Variants in RBMS3 observed in about 807,000 individuals in gnomAD.
RBMS3 encodes the protein RNA binding motif single stranded interacting protein 3.
RBMS3 carries 27 observed loss-of-function variants against 66.8 expected under a neutral mutation model. The ratio of observed to expected loss-of-function variants is 0.40; its 90% CI spans 0.30 to 0.56. The LOEUF is 0.56. Ranked by LOEUF, RBMS3 falls within the 20% of genes least tolerant of loss-of-function variation. The pLI is 0.40. For missense variants in RBMS3, 513 were observed against 549.5 expected (o/e 0.93, Z 0.66); for synonymous variants, 188 against 183.0 (o/e 1.03, Z -0.22).
At chr3:29,317,445 T>C (rs924800420) in intron 1 of RBMS3, among the ~76,000 whole-genome samples, 1 of 151,774 alleles carries the variant, frequency 6.6e-6, no homozygotes, top group African/African-American at 2.4e-5. Context: ...AAATCTCACC[T>C]ATTCTATCAT....
At chr3:29,502,987 G>T (rs548693483) in intron 3 of RBMS3, among the ~76,000 whole-genome samples, 1 of 152,190 alleles carries the variant, frequency 6.6e-6, no homozygotes, top group Admixed American at 6.6e-5. Context: ...ATAAGGTTAA[G>T]ACCTCTGAGG....
At chr3:29,944,303 AG>A (rs1270065780) in intron 12 of RBMS3, 49 bp downstream of exon 12, 1 of 1,489,516 alleles carries the variant, frequency 6.7e-7, no homozygotes, top group African/African-American at 1.4e-5. Flanking sequence ...GGAGAGATGG[AG>A]GTTGCCTGGT....
At chr3:29,498,586 C>T (rs2043851097) in intron 3 of RBMS3, among the ~76,000 whole-genome samples, 1 of 151,942 alleles carries the variant, frequency 6.6e-6, no homozygotes, top group Non-Finnish European at 1.5e-5. Flanking sequence ...AAGTCTATAC[C>T]AAGAAATTCT....
At chr3:29,449,135 A>T (rs569988213) in intron 2 of RBMS3, among the ~76,000 whole-genome samples, 1 of 152,346 alleles carries the variant, frequency 6.6e-6, no homozygotes, top group East Asian at 1.9e-4. Flanking sequence ...GTCAGTGGCT[A>T]CAAAGGATTG....
chr3:29,756,936 T>C lies in RBMS3; in HGVS notation c.558-5974T>C, dbSNP rs374535475. Among the ~76,000 whole-genome samples the C allele has an allele frequency of 1.1e-4, 17 of 152,288 alleles. No homozygotes were observed. The East Asian group carries it at 2.7e-3, about 24-fold the overall frequency. ...CAGTGTCTTCACCAAACTGAAAATTTCCTGAACCTTGTTGTTTAGGGATTT... is the reference window on the plus strand; with the variant it reads ...CAGTGTCTTCACCAAACTGAAAATTCCCTGAACCTTGTTGTTTAGGGATTT... On this transcript the variant is annotated intron_variant, in intron 5 of 14. Coordinates refer to ENST00000383767, the MANE Select transcript of RBMS3 (RefSeq NM_001003793.3).
intron 6 of RBMS3, among the ~76,000 whole-genome samples, chr3:29,802,088 T>C (rs1303545026): frequency 6.6e-6 from 1 of 152,210 alleles, no homozygotes; most frequent in Admixed American, 6.5e-5. Flanking sequence ...TGTTTAGTCC[T>C]GGAAAGTTTG....
intron 6 of RBMS3, among the ~76,000 whole-genome samples, chr3:29,783,813 A>G (rs921903397): frequency 1.3e-5 from 2 of 152,106 alleles, no homozygotes; most frequent in African/African-American, 2.4e-5. Context: ...CATCTAACAT[A>G]TAAGGCCTCA....
At chr3:29,488,374 T>C in intron 2 of RBMS3, 67 bp from the exon 3 acceptor site, 1 of 1,365,154 alleles carries the variant, frequency 7.3e-7, no homozygotes, top group Non-Finnish European at 1.0e-6. Context: ...CCGATGTTCA[T>C]TAGAGTGTTT....
At chr3:29,287,213 A>G (rs1406914908) in intron 1 of RBMS3, among the ~76,000 whole-genome samples, 1 of 152,150 alleles carries the variant, frequency 6.6e-6, no homozygotes, top group Non-Finnish European at 1.5e-5. Context: ...ATATAATACC[A>G]TTTTTAAAAT....
intron 6 of RBMS3, among the ~76,000 whole-genome samples, chr3:29,864,916 GAGGA>G (rs775325339): frequency 8.7e-6 from 1 of 115,442 alleles, no homozygotes; most frequent in Admixed American, 9.4e-5. Context: ...AAGAGAGAGA[GAGGA>G]AGGAAGGAAG....
At chr3:29,781,371 T>A (rs1331384974) in intron 6 of RBMS3, among the ~76,000 whole-genome samples, 1 of 152,188 alleles carries the variant, frequency 6.6e-6, no homozygotes, top group African/African-American at 2.4e-5. Flanking sequence ...TGGTTATATG[T>A]ATCATTAGTT....
chr3:29,454,974 T>C (rs770819621), intron 2 of RBMS3, among the ~76,000 whole-genome samples: 3 of 152,174 alleles, frequency 2.0e-5, no homozygotes, highest in Non-Finnish European at 4.4e-5. Flanking sequence ...AAATAGCACA[T>C]TGGTATTTGG....
chr3:29,659,088 A>T (rs2149225392), intron 4 of RBMS3, among the ~76,000 whole-genome samples: 1 of 152,326 alleles, frequency 6.6e-6, no homozygotes, highest in East Asian at 1.9e-4. Context: ...AAGTGCTGGG[A>T]TTCGAGGCAT....
At chr3:29,294,759 C>T (rs116410467) in intron 1 of RBMS3, among the ~76,000 whole-genome samples, 162 of 151,788 alleles carry the variant, frequency 1.1e-3, no homozygotes, top group African/African-American at 3.6e-3. Context: ...TCTGAGTTTT[C>T]GGTCCATCTT....
intron 1 of RBMS3, among the ~76,000 whole-genome samples, chr3:29,393,656 T>C (rs2039412433): frequency 6.7e-6 from 1 of 149,382 alleles, no homozygotes; most frequent in Admixed American, 6.7e-5. Context: ...CCCCCAGTAT[T>C]TCAACGTAGG....
chr3:29,739,904 G>T, intron 5 of RBMS3, 27 bp downstream of exon 5: 2 of 1,464,190 alleles, frequency 1.4e-6, no homozygotes, highest in Non-Finnish European at 9.1e-7. Context: ...GTATGTAATC[G>T]TTCTTTCCTC....
At chr3:29,743,255 C>T (rs1373534519) in intron 5 of RBMS3, among the ~76,000 whole-genome samples, 1 of 152,162 alleles carries the variant, frequency 6.6e-6, no homozygotes, top group Non-Finnish European at 1.5e-5. Context: ...AAATGTTTCT[C>T]CTTTTAAAAA....
intron 3 of RBMS3, among the ~76,000 whole-genome samples, chr3:29,557,159 A>G (rs1426904556): frequency 2.6e-5 from 4 of 152,234 alleles, no homozygotes; most frequent in African/African-American, 9.6e-5. Context: ...TTCTGCTTAA[A>G]ACATCTTTTT....
chr3:29,696,965 G>C (rs2052309872), intron 4 of RBMS3: 2 of 672,692 alleles, frequency 3.0e-6, no homozygotes, highest in Non-Finnish European at 3.7e-6. Context: ...AATTTTTGTA[G>C]GTACCCCTAG....
Sources: gnomAD v4.1 joint callset for allele counts (sites outside exome capture counted in the v4.1 genomes callset) on GRCh38, gnomAD v4.1.1 for gene constraint, MANE v1.5 for transcripts, NCBI Gene and HGNC (gene_info 2026-07-23, HGNC 2026-07-21) for gene names.